The following CORO2B variants were observed in gnomAD, a reference collection of about 807,000 sequenced individuals.
CORO2B encodes coronin-2B.
In CORO2B, 26 loss-of-function variants were observed where a neutral mutation model predicts 58.8. The observed-to-expected ratio is 0.44, with a 90% confidence interval of 0.32 to 0.61. CORO2B has a LOEUF of 0.61. Among genes scored for constraint, CORO2B ranks in the 20% least tolerant of loss-of-function variants. The pLI, the probability that CORO2B is intolerant of heterozygous loss-of-function variation, is 0.04. For synonymous variants in CORO2B, 242 were observed against 253.8 expected (o/e 0.95, Z 0.44); for missense variants, 460 against 645.1 (o/e 0.71, Z 3.11).
At chr15:68,691,685 T>C (rs1170364224) in intron 2 of CORO2B, among the ~76,000 whole-genome samples, 1 of 144,916 alleles carries the variant, frequency 6.9e-6, no homozygotes, top group Non-Finnish European at 1.5e-5. Context: ...TTTTAAGCAA[T>C]GGAGCTCATC....
At chr15:68,563,451 C>T in the CORO2B span, among the ~76,000 whole-genome samples, 6 of 149,404 alleles carry the variant, frequency 4.0e-5, no homozygotes, top group East Asian at 1.2e-3. Context: ...CGTGCCACTG[C>T]ACTCTAGCCT....
chr15:68,697,626 A>C (rs1241330446), intron 3 of CORO2B, among the ~76,000 whole-genome samples: 1 of 152,186 alleles, frequency 6.6e-6, no homozygotes, highest in Non-Finnish European at 1.5e-5. Flanking sequence ...CAGAGAGAGC[A>C]AGAGCCTATA....
At chr15:68,708,564 G>A (rs548604251) in intron 3 of CORO2B, among the ~76,000 whole-genome samples, 6 of 151,750 alleles carry the variant, frequency 4.0e-5, no homozygotes, top group African/African-American at 1.2e-4. Context: ...GGGTTTCTCC[G>A]TGTTAGCCAG....
intron 1 of CORO2B, among the ~76,000 whole-genome samples, chr15:68,600,727 TGGA>T (rs1899959600): frequency 6.6e-6 from 1 of 152,098 alleles, no homozygotes; most frequent in African/African-American, 2.4e-5. Context: ...GGGGAAGATG[TGGA>T]GAAGAAAAGG....
intron 3 of CORO2B, among the ~76,000 whole-genome samples, chr15:68,706,009 A>G (rs1892775108): frequency 1.3e-5 from 2 of 152,122 alleles, no homozygotes; most frequent in African/African-American, 4.8e-5. Context: ...TAACCCAGAG[A>G]TGCCTCAGTT....
chr15:68,586,240 A>G (rs1472566676), intron 1 of CORO2B, among the ~76,000 whole-genome samples: 1 of 152,312 alleles, frequency 6.6e-6, no homozygotes, highest in Non-Finnish European at 1.5e-5. Context: ...CACTTACCAT[A>G]TGCCTGACAT....
Position 68,590,363 on chromosome 15 carries a change from C to A in CORO2B, c.15+11086C>A, listed in dbSNP as rs1042612184. ...CAAAGCTCTTCGGAGGCTGCCCCCC[C>A]ATGCCCAGCCCTGCACTTCTGTTCT... On this transcript the variant is annotated intron_variant, in intron 1 of 11. Transcript: ENST00000261861. Among the ~76,000 whole-genome samples the A allele has an allele frequency of 2.0e-5, 3 of 152,178 alleles. No individual in the cohort carries two copies. In the South Asian group the frequency reaches 6.2e-4, roughly 32 times the overall value.
At chr15:68,713,551 C>G (rs532731014) in intron 5 of CORO2B, among the ~76,000 whole-genome samples, 3 of 152,196 alleles carry the variant, frequency 2.0e-5, no homozygotes. Context: ...GACTGTACTC[C>G]CTACAGATGC....
At chr15:68,576,335 A>G (rs951838649), upstream of CORO2B, among the ~76,000 whole-genome samples, 5 of 152,056 alleles carry the variant, frequency 3.3e-5, no homozygotes, top group African/African-American at 1.2e-4. Flanking sequence ...CCAGCAGCAC[A>G]GGAGGGATCA....
At chr15:68,679,694 T>A (rs1215562751) in intron 2 of CORO2B, among the ~76,000 whole-genome samples, 2 of 152,144 alleles carry the variant, frequency 1.3e-5, no homozygotes, top group Non-Finnish European at 2.9e-5. Flanking sequence ...GACCCTGACT[T>A]CTAGGGGTTC....
the CORO2B span, among the ~76,000 whole-genome samples, chr15:68,520,792 T>C: frequency 1.4e-4 from 22 of 152,330 alleles, no homozygotes; most frequent in Non-Finnish European, 4.4e-5. Context: ...ATGCTTGTAA[T>C]CCCAGCACTT....
the CORO2B span, among the ~76,000 whole-genome samples, chr15:68,564,105 A>G: frequency 6.6e-6 from 1 of 152,224 alleles, no homozygotes; most frequent in South Asian, 2.1e-4. Flanking sequence ...TAGATGGTCT[A>G]AGTTCTAAAA....
intron 1 of CORO2B, among the ~76,000 whole-genome samples, chr15:68,579,736 C>T (rs955418765): frequency 3.3e-5 from 5 of 152,196 alleles, no homozygotes; most frequent in African/African-American, 4.8e-5. Context: ...GCCTCTGCCG[C>T]CCATGCCGGG....
the CORO2B span, among the ~76,000 whole-genome samples, chr15:68,547,577 C>T: frequency 6.6e-6 from 1 of 152,016 alleles, no homozygotes; most frequent in Non-Finnish European, 1.5e-5. Context: ...CTCCTGACCT[C>T]ATGATCCACC....
intron 2 of CORO2B, among the ~76,000 whole-genome samples, chr15:68,662,030 T>TA (rs60007308): frequency 0.052 from 7,623 of 146,874 alleles, 283 homozygotes; most frequent in African/African-American, 0.11. Context: ...ATAAATAAAT[T>TA]AATTAATTAA....
chr15:68,548,433 C>T, the CORO2B span, among the ~76,000 whole-genome samples: 3 of 152,172 alleles, frequency 2.0e-5, no homozygotes, highest in South Asian at 6.2e-4. Flanking sequence ...GAAACACTCC[C>T]GCCATGACTG....
intron 2 of CORO2B, among the ~76,000 whole-genome samples, chr15:68,664,850 A>AT (rs1221472762): frequency 6.6e-6 from 1 of 152,060 alleles, no homozygotes; most frequent in East Asian, 1.9e-4. Flanking sequence ...TTCTTCACCT[A>AT]TTTTTTATAG....
chr15:68,686,020 G>GTTTTTTT (rs56168498), intron 2 of CORO2B, among the ~76,000 whole-genome samples: 2 of 103,334 alleles, frequency 1.9e-5, no homozygotes, highest in African/African-American at 6.8e-5. Flanking sequence ...TCCTACTTCT[G>GTTTTTTT]TTTTTTTTTT....
chr15:68,643,574 C>G (rs1015349498), intron 1 of CORO2B, among the ~76,000 whole-genome samples: 2 of 152,092 alleles, frequency 1.3e-5, no homozygotes, highest in African/African-American at 2.4e-5. Context: ...GGAGGGCAAC[C>G]TTGGGAAGTG....
Sources: gnomAD v4.1 joint callset for allele counts (sites outside exome capture counted in the v4.1 genomes callset) on GRCh38, gnomAD v4.1.1 for gene constraint, MANE v1.5 for transcripts, NCBI Gene and HGNC (gene_info 2026-07-23, HGNC 2026-07-21) for gene names.